The following KLRF2 variants were observed in gnomAD, a reference collection of about 807,000 sequenced individuals.
The protein encoded by KLRF2 is killer cell lectin like receptor F2.
A neutral mutation model predicts 25.3 loss-of-function variants in KLRF2; 28 were observed. The observed-to-expected ratio is 1.11, with a 90% CI of 0.82 to 1.52. The LOEUF is 1.52. KLRF2 is among the 40% of genes most tolerant of loss of function. KLRF2 has a pLI of 0.00. For missense variants in KLRF2, 265 were observed against 245.8 expected (o/e 1.08, Z -0.52); for synonymous variants, 73 against 85.0 (o/e 0.86, Z 0.78).
At chr12:9,888,859 A>G in intron 3 of KLRF2, 79 bp downstream of exon 3, 1 of 817,380 alleles carries the variant, frequency 1.2e-6, no homozygotes, top group Non-Finnish European at 2.0e-6. Context: ...GCGTTCACCC[A>G]TGTTACACAG....
At chr12:9,889,330 TC>T (rs1221424869) in intron 3 of KLRF2, among the ~76,000 whole-genome samples, 1 of 152,234 alleles carries the variant, frequency 6.6e-6, no homozygotes, top group Admixed American at 6.5e-5. Flanking sequence ...AGGCAGTTTG[TC>T]AAATACCAGT....
At chr12:9,884,520 A>G (rs1868129322) in intron 1 of KLRF2, among the ~76,000 whole-genome samples, 3 of 150,466 alleles carry the variant, frequency 2.0e-5, no homozygotes, top group Admixed American at 2.0e-4. Flanking sequence ...TGTGCCTGAC[A>G]TAGATATATA....
intron 2 of KLRF2, among the ~76,000 whole-genome samples, chr12:9,888,461 G>C (rs140015630): frequency 6.6e-6 from 1 of 151,912 alleles, no homozygotes; most frequent in African/African-American, 2.4e-5. Context: ...CTGCACTGCA[G>C]CCTGGGCAAC....
chr12:9,891,980 T>C (rs1267737595), intron 3 of KLRF2, among the ~76,000 whole-genome samples: 5 of 152,200 alleles, frequency 3.3e-5, no homozygotes, highest in African/African-American at 1.2e-4. Context: ...ATTTATTATA[T>C]ACAAAATACT....
rs1486814355 is a variant in KLRF2, at chr12:9,893,475, G to T, written c.413G>T (p.Gly138Val). 1 of 1,522,292 alleles carries T rather than the reference G, an allele frequency of 6.6e-7. No individual in the cohort carries two copies. Among genetic ancestry groups the T allele is most frequent in the Admixed American group, 2.0e-5 (1 of 50,794 alleles). 94.3% of individuals were successfully genotyped at this position (1,522,292 alleles called of 1,614,324 possible). The change falls in exon 5 of 6, where the codon GGA becomes GTA. Residue 138 changes from glycine to valine, a missense_variant. Gly to Val is a moderately radical substitution (Grantham distance 109). Transcript: ENST00000535540. ...AAACCTGGACATTTTGGTTGGATTGGACTATATGTTACATTCCAAGGGAAC... is the reference window on the plus strand; with the variant it reads ...AAACCTGGACATTTTGGTTGGATTGTACTATATGTTACATTCCAAGGGAAC... ...SLKPGHFGWIGLYVTFQGNLW... is the reference protein window; with the variant it reads ...SLKPGHFGWIVLYVTFQGNLW...
At chr12:9,895,572 C>T in intron 5 of KLRF2, 117 bp from the exon 6 acceptor site, 2 of 908,556 alleles carry the variant, frequency 2.2e-6, no homozygotes, top group Non-Finnish European at 3.2e-6. Flanking sequence ...ATTCTAAAAC[C>T]TCTGCAAAAC....
intron 2 of KLRF2, among the ~76,000 whole-genome samples, chr12:9,888,080 G>T (rs61328259): frequency 1.2e-5 from 1 of 85,972 alleles, no homozygotes. Flanking sequence ...AAAAAGTTAA[G>T]AATAGTAATA....
intron 3 of KLRF2, 119 bp from the exon 4 acceptor site, chr12:9,892,901 A>AC (rs888134360): frequency 1.4e-4 from 102 of 736,360 alleles, no homozygotes; most frequent in Non-Finnish European, 2.0e-4. Context: ...CTTTTTATTG[A>AC]CCAAAAAAAA....
chr12:9,887,389 T>G (rs1008515178), intron 2 of KLRF2, among the ~76,000 whole-genome samples: 46 of 152,288 alleles, frequency 3.0e-4, no homozygotes, highest in Non-Finnish European at 6.5e-4. Context: ...CAAAGCAAAT[T>G]AGCATCAGAT....
intron 4 of KLRF2, 101 bp downstream of exon 4, chr12:9,893,269 A>G (rs907816360): frequency 8.9e-7 from 1 of 1,129,650 alleles, no homozygotes; most frequent in Admixed American, 2.5e-5. Context: ...TTGCTTCTGA[A>G]CATGTGTTAG....
chr12:9,886,883 G>C (rs952482030), intron 2 of KLRF2, among the ~76,000 whole-genome samples: 1 of 151,828 alleles, frequency 6.6e-6, no homozygotes. Flanking sequence ...ATACCCACTT[G>C]TTTTGGTTTT....
At chr12:9,893,722 G>A (rs1419395184) in intron 5 of KLRF2, among the ~76,000 whole-genome samples, 181 bp downstream of exon 5, 1 of 133,326 alleles carries the variant, frequency 7.5e-6, no homozygotes, top group Non-Finnish European at 1.6e-5. Context: ...TTTTTTCTTT[G>A]CTTCCTCTCT....
At chr12:9,884,128 T>C (rs2136993803) in intron 1 of KLRF2, among the ~76,000 whole-genome samples, 2 of 152,242 alleles carry the variant, frequency 1.3e-5, no homozygotes, top group East Asian at 3.9e-4. Flanking sequence ...ATACATCCAA[T>C]TTATTCAAAA....
intron 3 of KLRF2, among the ~76,000 whole-genome samples, chr12:9,891,202 G>A (rs1343967391): frequency 6.6e-6 from 1 of 152,130 alleles, no homozygotes; most frequent in Non-Finnish European, 1.5e-5. Flanking sequence ...TTAGAAACCT[G>A]CCTGGCCCAC....
chr12:9,892,166 C>T (rs190257835), intron 3 of KLRF2, among the ~76,000 whole-genome samples: 11 of 152,164 alleles, frequency 7.2e-5, no homozygotes, highest in East Asian at 3.9e-4. Flanking sequence ...CAGAAATTGA[C>T]GGTTCAAGGC....
intron 3 of KLRF2, among the ~76,000 whole-genome samples, chr12:9,892,158 G>A (rs185990131): frequency 2.6e-4 from 40 of 152,258 alleles, no homozygotes; most frequent in African/African-American, 8.7e-4. Flanking sequence ...ACAGATAGCA[G>A]AAATTGACGG....
At chr12:9,887,414 A>G (rs1862610978) in intron 2 of KLRF2, among the ~76,000 whole-genome samples, 1 of 152,234 alleles carries the variant, frequency 6.6e-6, no homozygotes, top group Admixed American at 6.5e-5. Context: ...AAACGCACCT[A>G]AAAAGATTCT....
chr12:9,895,673 G>A lies in KLRF2; in HGVS notation c.480-16G>A. 1 of 1,504,546 alleles carries A rather than the reference G, an allele frequency of 6.6e-7. No individual in the cohort carries two copies. Among genetic ancestry groups the A allele is most frequent in the Non-Finnish European group, 8.8e-7 (1 of 1,136,404 alleles). The allele number at this position is 1,504,546 out of a possible 1,614,324, so 93.2% of individuals were successfully genotyped here. A position where few individuals can be genotyped will look rare whatever the true frequency, so the allele number is the denominator to read the frequency against. ...TTTTAAGATAAATGCTGAAAAATCTGTCCTTTGTCTCTTAGGTTTTCAGTG... is the reference window on the plus strand; with the variant it reads ...TTTTAAGATAAATGCTGAAAAATCTATCCTTTGTCTCTTAGGTTTTCAGTG... On this transcript the variant is annotated splice_polypyrimidine_tract_variant and intron_variant, in intron 5 of 5. Transcript: ENST00000535540.
chr12:9,888,283 G>T (rs978300955), intron 2 of KLRF2, among the ~76,000 whole-genome samples: 2 of 151,722 alleles, frequency 1.3e-5, no homozygotes, highest in African/African-American at 4.8e-5. Flanking sequence ...GAGGTCAGGA[G>T]ATCGAGACCA....
Sources: gnomAD v4.1 joint callset for allele counts (sites outside exome capture counted in the v4.1 genomes callset) on GRCh38, gnomAD v4.1.1 for gene constraint, MANE v1.5 for transcripts, NCBI Gene and HGNC (gene_info 2026-07-23, HGNC 2026-07-21) for gene names.